KCNJ15: variants seen among roughly 807,000 people sequenced by gnomAD.
The protein encoded by KCNJ15 is potassium inwardly rectifying channel subfamily J member 15.
Under a neutral mutation model 23.0 loss-of-function variants are expected in KCNJ15, and 14 were observed. The observed-to-expected ratio is 0.61, with a 90% CI of 0.40 to 0.95. The LOEUF (loss-of-function observed/expected upper bound fraction) is 0.95, where lower values mean the gene tolerates loss of function less well. KCNJ15 is among the 40% of genes least tolerant of loss of function. The pLI is 0.00. For synonymous variants in KCNJ15, 185 were observed against 183.2 expected (o/e 1.01, Z -0.08); for missense variants, 388 against 461.8 (o/e 0.84, Z 1.46).
intron 1 of KCNJ15, among the ~76,000 whole-genome samples, chr21:38,277,658 C>T (rs953681436): frequency 6.6e-6 from 1 of 152,112 alleles, no homozygotes; most frequent in Admixed American, 6.5e-5. Context: ...TGAGTCAGAA[C>T]AGATAAAAGG....
intron 1 of KCNJ15, among the ~76,000 whole-genome samples, chr21:38,281,173 A>G (rs1022082600): frequency 6.6e-6 from 1 of 152,194 alleles, no homozygotes; most frequent in Non-Finnish European, 1.5e-5. Context: ...GAAGCAATGG[A>G]TTCAAAAATT....
chr21:38,297,064 G>T (rs894518094), intron 2 of KCNJ15, 41 bp downstream of exon 2: 9 of 152,786 alleles, frequency 5.9e-5, no homozygotes, highest in African/African-American at 2.2e-4. Context: ...TTGAGGGAGG[G>T]AGGAGGACAG....
chr21:38,229,930 A>G (rs1294490637), intron 1 of KCNJ15, among the ~76,000 whole-genome samples: 4 of 152,316 alleles, frequency 2.6e-5, no homozygotes, highest in East Asian at 1.9e-4. Context: ...TTGTTTATAC[A>G]TTCAGCAGCT....
At chr21:38,284,302 T>A (rs995884420) in intron 1 of KCNJ15, among the ~76,000 whole-genome samples, 1 of 152,124 alleles carries the variant, frequency 6.6e-6, no homozygotes, top group Non-Finnish European at 1.5e-5. Flanking sequence ...GTCCTCTGAA[T>A]CAGTAAGATA....
At chr21:38,298,836 TAA>T (rs1985437886) in intron 2 of KCNJ15, among the ~76,000 whole-genome samples, 1 of 152,208 alleles carries the variant, frequency 6.6e-6, no homozygotes, top group African/African-American at 2.4e-5. Flanking sequence ...AATAAATGCA[TAA>T]GAGTTTGTTA....
intron 1 of KCNJ15, chr21:38,268,797 A>T (rs1981771045): frequency 1.3e-5 from 2 of 152,140 alleles, no homozygotes; most frequent in Admixed American, 1.3e-4. Flanking sequence ...TTCTTAGTAC[A>T]TTATGGGGCA....
chr21:38,259,824 A>G (rs1980693942), intron 1 of KCNJ15, among the ~76,000 whole-genome samples: 1 of 152,126 alleles, frequency 6.6e-6, no homozygotes, highest in African/African-American at 2.4e-5. Flanking sequence ...AGTGCCCTGG[A>G]AGGAGACAGG....
At chr21:38,266,489 AG>A (rs1430159677) in intron 1 of KCNJ15, among the ~76,000 whole-genome samples, 3 of 152,146 alleles carry the variant, frequency 2.0e-5, no homozygotes, top group African/African-American at 7.2e-5. Context: ...ATGGCTGCAT[AG>A]TATTCCATGG....
intron 1 of KCNJ15, among the ~76,000 whole-genome samples, chr21:38,258,990 G>A (rs1026857732): frequency 6.6e-6 from 1 of 152,058 alleles, no homozygotes; most frequent in African/African-American, 2.4e-5. Flanking sequence ...CGAAAGGGCT[G>A]TGCTTTCTTG....
At chr21:38,293,302 C>CTATTATTGTTGAATTGTCTGTTTCTT (rs1984810768) in intron 1 of KCNJ15, among the ~76,000 whole-genome samples, 1 of 152,140 alleles carries the variant, frequency 6.6e-6, no homozygotes, top group Non-Finnish European at 1.5e-5. Flanking sequence ...GATCCCGACA[C>CTATTATTGTTGAATTGTCTGTTTCTT]CTCTCTTCAG....
At chr21:38,266,108 C>G (rs1431778151) in intron 1 of KCNJ15, among the ~76,000 whole-genome samples, 4 of 152,126 alleles carry the variant, frequency 2.6e-5, no homozygotes, top group Non-Finnish European at 5.9e-5. Flanking sequence ...CCTGAAAGGC[C>G]AGGCAGGGCT....
chr21:38,288,018 G>GTTTTTTCTTTTTTTTTTT (rs1569010852), intron 1 of KCNJ15, among the ~76,000 whole-genome samples: 2 of 26,018 alleles, frequency 7.7e-5, no homozygotes, highest in African/African-American at 1.9e-4. Context: ...TAAATAACTT[G>GTTTTTTCTTTTTTTTTTT]TTTTTTTCTT....
chr21:38,236,327 AT>A (rs1284558254), intron 1 of KCNJ15, among the ~76,000 whole-genome samples: 1 of 152,244 alleles, frequency 6.6e-6, no homozygotes, highest in African/African-American at 2.4e-5. Context: ...ATGAAATCAA[AT>A]TCTAATTCTA....
intron 1 of KCNJ15, among the ~76,000 whole-genome samples, chr21:38,233,642 A>G (rs538505994): frequency 4.9e-4 from 74 of 152,250 alleles, no homozygotes; most frequent in African/African-American, 1.7e-3. Context: ...AAGAAAAAAG[A>G]GAGAAGACTC....
upstream of KCNJ15, among the ~76,000 whole-genome samples, chr21:38,255,455 A>C (rs76545924): frequency 7.9e-5 from 12 of 152,284 alleles, no homozygotes; most frequent in African/African-American, 2.2e-4. Flanking sequence ...AAGAAGTCCA[A>C]ATCTCGTGTA....
At chr21:38,287,472 T>C (rs1210106260) in intron 1 of KCNJ15, among the ~76,000 whole-genome samples, 1 of 152,258 alleles carries the variant, frequency 6.6e-6, no homozygotes, top group East Asian at 1.9e-4. Flanking sequence ...CTCTGTACTA[T>C]GCAAATCTAT....
chr21:38,288,201 C>T (rs140667026), intron 1 of KCNJ15, among the ~76,000 whole-genome samples: 2,016 of 151,350 alleles, frequency 0.013, 60 homozygotes, highest in African/African-American at 0.047. Flanking sequence ...CCACCACGCC[C>T]GGCTAATTTT....
At chr21:38,273,496 C>T (rs1332902325) in intron 1 of KCNJ15, among the ~76,000 whole-genome samples, 1 of 152,196 alleles carries the variant, frequency 6.6e-6, no homozygotes, top group Non-Finnish European at 1.5e-5. Context: ...AATATTAAAA[C>T]CTATTCATGT....
At chr21:38,256,181 C>A (rs1376390629), upstream of KCNJ15, among the ~76,000 whole-genome samples, 1 of 151,842 alleles carries the variant, frequency 6.6e-6, no homozygotes, top group East Asian at 1.9e-4. Context: ...CCGAAAGAAG[C>A]TTACTGCCTC....
Sources: gnomAD v4.1 joint callset for allele counts (sites outside exome capture counted in the v4.1 genomes callset) on GRCh38, gnomAD v4.1.1 for gene constraint, MANE v1.5 for transcripts, NCBI Gene and HGNC (gene_info 2026-07-23, HGNC 2026-07-21) for gene names.